PRIMPOL: variants seen among roughly 807,000 people sequenced by gnomAD.
PRIMPOL encodes the protein primase and DNA directed polymerase, also known as DNA-directed primase/polymerase protein.
PRIMPOL carries 54 observed loss-of-function variants against 63.6 expected under a neutral mutation model. The observed-to-expected ratio is 0.85, with a 90% CI of 0.68 to 1.07. The LOEUF is 1.07. Among genes scored for constraint, PRIMPOL ranks in the 50% least tolerant of loss-of-function variants. PRIMPOL has a pLI of 0.00. For synonymous variants in PRIMPOL, 197 were observed against 220.2 expected, an observed-to-expected ratio of 0.89 and a Z score of 0.93; for missense variants, 610 against 648.3, an observed-to-expected ratio of 0.94 and a Z score of 0.64.
chr4:184,679,904 A>G (rs1579558286), intron 8 of PRIMPOL, among the ~76,000 whole-genome samples: 1 of 152,140 alleles, frequency 6.6e-6, no homozygotes, highest in East Asian at 1.9e-4. Flanking sequence ...CCACCCATGG[A>G]AAGATTGTCT....
chr4:184,683,785 ATTG>A (rs1472277430), intron 9 of PRIMPOL, among the ~76,000 whole-genome samples: 4 of 152,138 alleles, frequency 2.6e-5, no homozygotes, highest in Non-Finnish European at 5.9e-5. Context: ...ATTTTCATAT[ATTG>A]TTATTTATAA....
intron 7 of PRIMPOL, among the ~76,000 whole-genome samples, chr4:184,673,199 A>G (rs6846206): frequency 0.96 from 143,406 of 148,708 alleles, 69,371 homozygotes; most frequent in East Asian, 1. Flanking sequence ...GCACAATCTC[A>G]GCTCACTGCA....
At chr4:184,691,427 C>G in intron 11 of PRIMPOL, 72 bp from the exon 12 acceptor site, 3 of 856,798 alleles carry the variant, frequency 3.5e-6, no homozygotes, top group Non-Finnish European at 5.6e-6. Flanking sequence ...TTTCTTGGAA[C>G]AGCATGCAGC....
At chr4:184,665,847 ATGCTTAT>A (rs1257826187) in intron 5 of PRIMPOL, 63 bp from the exon 6 acceptor site, 15 of 1,011,724 alleles carry the variant, frequency 1.5e-5, no homozygotes, top group East Asian at 1.3e-4. Flanking sequence ...ATATAAAGAG[ATGCTTAT>A]TGCTTATAGA....
chr4:184,688,133 T>C (rs1757479084), intron 11 of PRIMPOL, among the ~76,000 whole-genome samples: 3 of 152,212 alleles, frequency 2.0e-5, no homozygotes, highest in Admixed American at 2.0e-4. Context: ...ACCGTGAAGG[T>C]GGGAACCGTG....
chr4:184,667,414 G>A (rs539552569), intron 6 of PRIMPOL, among the ~76,000 whole-genome samples: 7 of 151,896 alleles, frequency 4.6e-5, no homozygotes, highest in East Asian at 3.9e-4. Context: ...GGGTTCAAGC[G>A]ATTCTCCTGC....
At chr4:184,682,190 A>G in intron 8 of PRIMPOL, 58 bp from the exon 9 acceptor site, 2 of 838,146 alleles carry the variant, frequency 2.4e-6, no homozygotes, top group Non-Finnish European at 4.0e-6. Flanking sequence ...TTCTGTAGCC[A>G]GGCCTTGTTA....
chr4:184,682,421 T>C (rs1755868041), intron 9 of PRIMPOL, 85 bp downstream of exon 9: 5 of 702,160 alleles, frequency 7.1e-6, no homozygotes, highest in Non-Finnish European at 1.3e-5. Context: ...CGATCTCGGC[T>C]CACTGCAGCC....
chr4:184,667,804 C>G (rs1186424612), intron 6 of PRIMPOL, among the ~76,000 whole-genome samples: 3 of 152,050 alleles, frequency 2.0e-5, no homozygotes, highest in Non-Finnish European at 4.4e-5. Flanking sequence ...AAGGTTATAC[C>G]CCATCCCCTT....
intron 9 of PRIMPOL, among the ~76,000 whole-genome samples, chr4:184,682,852 C>T (rs1183184478): frequency 6.6e-6 from 1 of 150,546 alleles, no homozygotes; most frequent in African/African-American, 2.4e-5. Context: ...GAGTTAGAGA[C>T]AATCCTGAGC....
At chr4:184,664,827 A>G (rs1749391054) in intron 5 of PRIMPOL, among the ~76,000 whole-genome samples, 1 of 152,202 alleles carries the variant, frequency 6.6e-6, no homozygotes, top group African/African-American at 2.4e-5. Context: ...TGTCAAACTA[A>G]TCACATAAAT....
chr4:184,689,893 T>C (rs1422053472), intron 11 of PRIMPOL, among the ~76,000 whole-genome samples: 1 of 152,230 alleles, frequency 6.6e-6, no homozygotes, highest in African/African-American at 2.4e-5. Flanking sequence ...CAAGTATCAC[T>C]GTGTTTTCTA....
chr4:184,658,345 T>C (rs1747193225), intron 3 of PRIMPOL, among the ~76,000 whole-genome samples: 1 of 152,214 alleles, frequency 6.6e-6, no homozygotes, highest in Non-Finnish European at 1.5e-5. Flanking sequence ...CATTTGAACT[T>C]GAATTTTAAA....
intron 13 of PRIMPOL, among the ~76,000 whole-genome samples, chr4:184,693,567 G>A (rs770558627): frequency 9.9e-5 from 15 of 151,958 alleles, no homozygotes; most frequent in Admixed American, 5.2e-4. Flanking sequence ...ATTACCAGTT[G>A]GTGTTATTTA....
At chr4:184,675,515 A>C (rs879898169) in intron 7 of PRIMPOL, among the ~76,000 whole-genome samples, 3 of 152,150 alleles carry the variant, frequency 2.0e-5, no homozygotes, top group Non-Finnish European at 4.4e-5. Context: ...AAGTCCCCCC[A>C]AAATTTTCCA....
intron 13 of PRIMPOL, among the ~76,000 whole-genome samples, chr4:184,693,099 T>A (rs1579712128): frequency 6.6e-6 from 1 of 152,196 alleles, no homozygotes; most frequent in African/African-American, 2.4e-5. Context: ...GGGGTTTATA[T>A]TCTAGAAAAC....
At chr4:184,688,569 T>A (rs1579645927) in intron 11 of PRIMPOL, among the ~76,000 whole-genome samples, 1 of 152,182 alleles carries the variant, frequency 6.6e-6, no homozygotes, top group East Asian at 1.9e-4. Flanking sequence ...CCCCTGGCCC[T>A]TCCTGCTCTT....
intron 1 of PRIMPOL, among the ~76,000 whole-genome samples, chr4:184,651,181 C>T (rs905019950): frequency 2.6e-5 from 4 of 151,938 alleles, no homozygotes; most frequent in Non-Finnish European, 5.9e-5. Context: ...ATCCCAGCTA[C>T]TTGAGAGGCT....
chr4:184,694,890 C>A lies in PRIMPOL; in HGVS notation c.*111C>A. On this transcript the variant is annotated 3_prime_UTR_variant, in exon 14 of 14. Coordinates refer to ENST00000314970, the MANE Select transcript of PRIMPOL (RefSeq NM_152683.4). ...ATATAAACTAAGTTTTATTACTTTG[C>A]TTTCCAATTTTTGTTTTTTACTTCT... is the stretch of plus-strand genomic sequence containing the variant. 1.0e-6 allele frequency: 1 copy of A among 991,286 alleles called. No homozygotes were observed. The highest frequency in any genetic ancestry group is 1.4e-6 in the Non-Finnish European group (1 of 693,764). 61.4% of individuals were successfully genotyped at this position (991,286 alleles called of 1,614,324 possible). A position where few individuals can be genotyped will look rare whatever the true frequency, so the allele number is the denominator to read the frequency against.
Sources: gnomAD v4.1 joint callset for allele counts (sites outside exome capture counted in the v4.1 genomes callset) on GRCh38, gnomAD v4.1.1 for gene constraint, MANE v1.5 for transcripts, NCBI Gene and HGNC (gene_info 2026-07-23, HGNC 2026-07-21) for gene names.